PAPOLA: variants seen among roughly 807,000 people sequenced by gnomAD.
PAPOLA encodes the protein poly(A) polymerase alpha, also known as polynucleotide adenylyltransferase alpha.
A neutral mutation model predicts 100.6 loss-of-function variants in PAPOLA; 15 were observed. The observed-to-expected ratio is 0.15, with a 90% confidence interval of 0.10 to 0.23. The LOEUF (loss-of-function observed/expected upper bound fraction) is 0.23, where lower values mean the gene tolerates loss of function less well. Among genes scored for constraint, PAPOLA ranks in the 10% least tolerant of loss-of-function variants. The pLI is 1.00. For missense variants in PAPOLA, 533 were observed against 884.2 expected, an observed-to-expected ratio of 0.60 and a Z score of 5.04; for synonymous variants, 293 against 300.0, an observed-to-expected ratio of 0.98 and a Z score of 0.24.
chr14:96,535,019 T>TA (rs1006901479), intron 10 of PAPOLA: 40 of 975,034 alleles, frequency 4.1e-5, no homozygotes, highest in Middle Eastern at 5.3e-4. Flanking sequence ...GATGTAATTG[T>TA]AAAAAAAATT....
intron 7 of PAPOLA, 184 bp from the exon 8 acceptor site, chr14:96,532,147 C>T (rs58057794): frequency 0.057 from 78,458 of 1,373,896 alleles, 2,351 homozygotes; most frequent in Non-Finnish European, 0.059. Flanking sequence ...TTTTTTCCCC[C>T]TCTTTATTGA....
At chr14:96,557,143 T>A (rs1400121787) in intron 19 of PAPOLA, among the ~76,000 whole-genome samples, 1 of 152,150 alleles carries the variant, frequency 6.6e-6, no homozygotes, top group East Asian at 1.9e-4. Context: ...CCTCCCGGGC[T>A]CAAGCAATCC....
rs552363064 is a variant in PAPOLA, at chr14:96,531,601, A to G, written c.607+15A>G. 1.8e-4 allele frequency: 278 copies of G among 1,588,418 alleles called. No homozygotes were observed. In the South Asian group the frequency reaches 2.9e-3, roughly 17 times the overall value. ...AAGTCTTAACGGTATGAGAAAGCCT[A>G]CTTCCTTTTGTGTACTTCAGTTTTT... On this transcript the variant is annotated intron_variant, in intron 7 of 21. Transcript: ENST00000216277.
At position 96,548,375 on chromosome 14, in the gene PAPOLA, A is replaced by G. The variant is rs28606438; in HGVS notation, c.1521+457A>G. Among the ~76,000 whole-genome samples the G allele has an allele frequency of 1.8e-3, 278 of 152,256 alleles. 3 individuals are homozygous for G. The highest frequency in any genetic ancestry group is 6.5e-3 in the African/African-American group (271 of 41,574). On this transcript the variant is annotated intron_variant, in intron 16 of 21. Coordinates refer to ENST00000216277, the MANE Select transcript of PAPOLA (RefSeq NM_032632.5). ...TTAAAAACTAAAAGTTGCTGAGTGT[A>G]AAGGAGGTCATGAACAGAGGTCACT...
rs1304321364 is a variant in PAPOLA at position 96,542,902 on chromosome 14, T to C, written c.1289+9T>C. On this transcript the variant is annotated intron_variant, in intron 14 of 21. Transcript: ENST00000216277. ...AAAGAAAATCCCGACAAGTAAGCCC[T>C]TTTCTAATTTAATTTCTTCTTCCCA... is the stretch of plus-strand genomic sequence containing the variant. 2 of 1,608,608 alleles carry C rather than the reference T, an allele frequency of 1.2e-6. No homozygotes were observed. Among genetic ancestry groups the C allele is most frequent in the African/African-American group, 2.7e-5 (2 of 74,584 alleles).
intron 1 of PAPOLA, among the ~76,000 whole-genome samples, chr14:96,509,769 A>T (rs919341793): frequency 3.3e-5 from 5 of 152,224 alleles, no homozygotes; most frequent in African/African-American, 7.2e-5. Context: ...CACAAAAGGA[A>T]TAGTAAAAAT....
At chr14:96,555,609 C>T (rs975303924) in intron 17 of PAPOLA, among the ~76,000 whole-genome samples, 1 of 152,076 alleles carries the variant, frequency 6.6e-6, no homozygotes, top group African/African-American at 2.4e-5. Flanking sequence ...AGATATAGAA[C>T]ATTCTGTCAT....
At chr14:96,558,957 T>G (rs1047046214) in intron 19 of PAPOLA, among the ~76,000 whole-genome samples, 2 of 151,960 alleles carry the variant, frequency 1.3e-5, no homozygotes, top group Non-Finnish European at 2.9e-5. Flanking sequence ...GTTTGATATC[T>G]CTAAGTGTCC....
Position 96,553,503 on chromosome 14 carries a change from C to T in PAPOLA, c.1664+881C>T, listed in dbSNP as rs1218427541. ...CCCAGCCTGGGCAACCAGAGTGAGACCCTGTCTTAAAAAAAAAAAAAAAAA... is the reference window on the plus strand; with the variant it reads ...CCCAGCCTGGGCAACCAGAGTGAGATCCTGTCTTAAAAAAAAAAAAAAAAA... On this transcript the variant is annotated intron_variant, in intron 17 of 21. Transcript: ENST00000216277. The T allele has an allele frequency of 2.7e-5, 4 of 150,044 alleles. No homozygotes were observed. The South Asian group carries it at 6.3e-4, about 24-fold the overall frequency. 9.3% of individuals were successfully genotyped at this position (150,044 alleles called of 1,614,324 possible). A position where few individuals can be genotyped will look rare whatever the true frequency, so the allele number is the denominator to read the frequency against.
intron 20 of PAPOLA, among the ~76,000 whole-genome samples, chr14:96,562,036 A>G (rs534928822): frequency 1.3e-5 from 2 of 152,002 alleles, no homozygotes; most frequent in Admixed American, 6.6e-5. Flanking sequence ...TGGGGATTAC[A>G]GGCACCCGCC....
At chr14:96,519,514 T>C (rs189512606) in intron 1 of PAPOLA, among the ~76,000 whole-genome samples, 5 of 152,366 alleles carry the variant, frequency 3.3e-5, no homozygotes, top group Non-Finnish European at 7.3e-5. Context: ...AGCATCATTA[T>C]CGAAGTGTAA....
Position 96,565,248 on chromosome 14 carries a change from T to G in PAPOLA, c.*198T>G. The stretch of plus-strand genomic sequence containing the variant: ...GTGAAGCCAGGAGTACTATTATTAT[T>G]GTGTTAGCAACAGTTGCATTAACTA... On this transcript the variant is annotated 3_prime_UTR_variant, in exon 22 of 22. Transcript: ENST00000216277. 2 of 475,830 alleles carry G rather than the reference T, an allele frequency of 4.2e-6. No homozygotes were observed. Among genetic ancestry groups the G allele is most frequent in the Non-Finnish European group, 7.6e-6 (2 of 263,256 alleles). 29.5% of individuals were successfully genotyped at this position (475,830 alleles called of 1,614,324 possible).
chr14:96,550,084 G>C (rs1030989588), intron 16 of PAPOLA, among the ~76,000 whole-genome samples: 3 of 152,164 alleles, frequency 2.0e-5, no homozygotes, highest in African/African-American at 7.2e-5. Flanking sequence ...ATAGTTCAAG[G>C]CTGCAGTGAA....
chr14:96,535,581 GAA>G, intron 10 of PAPOLA: 2 of 1,039,948 alleles, frequency 1.9e-6, no homozygotes, highest in Non-Finnish European at 2.3e-6. Context: ...GTTGAATAAA[GAA>G]AAACTAAACA....
At chr14:96,509,782 G>A (rs749142339) in intron 1 of PAPOLA, among the ~76,000 whole-genome samples, 2 of 152,146 alleles carry the variant, frequency 1.3e-5, no homozygotes, top group Non-Finnish European at 2.9e-5. Flanking sequence ...GTAAAAATAC[G>A]GTATTATGCT....
At chr14:96,544,502 G>A (rs1052106772) in intron 15 of PAPOLA, among the ~76,000 whole-genome samples, 1 of 151,976 alleles carries the variant, frequency 6.6e-6, no homozygotes, top group African/African-American at 2.4e-5. Flanking sequence ...TACCAGTTGA[G>A]CATCCCTAGT....
intron 16 of PAPOLA, among the ~76,000 whole-genome samples, chr14:96,548,368 T>A (rs1167973406): frequency 1.3e-5 from 2 of 152,074 alleles, no homozygotes; most frequent in Non-Finnish European, 2.9e-5. Context: ...TAAAAGTTGC[T>A]GAGTGTAAAG....
At chr14:96,524,808 CTG>C in intron 3 of PAPOLA, among the ~76,000 whole-genome samples, 1 of 152,158 alleles carries the variant, frequency 6.6e-6, no homozygotes, top group South Asian at 2.1e-4. Flanking sequence ...GCGTGAGCCA[CTG>C]TGTGTGGCTA....
intron 21 of PAPOLA, 115 bp downstream of exon 21, chr14:96,563,008 ATTAC>A: frequency 1.6e-6 from 1 of 632,652 alleles, no homozygotes; most frequent in South Asian, 2.0e-5. Flanking sequence ...TCTGAAAGTA[ATTAC>A]TTGCTAGCCT....
Sources: gnomAD v4.1 joint callset for allele counts (sites outside exome capture counted in the v4.1 genomes callset) on GRCh38, gnomAD v4.1.1 for gene constraint, MANE v1.5 for transcripts, NCBI Gene and HGNC (gene_info 2026-07-23, HGNC 2026-07-21) for gene names.